Variants in UMAD1 observed in about 807,000 individuals in gnomAD.
The protein encoded by UMAD1 is UBAP1-MVB12-associated (UMA)-domain containing protein 1.
A neutral mutation model predicts 6.1 loss-of-function variants in UMAD1; 8 were observed. That is an observed-to-expected ratio of 1.30 (90% CI 0.76 to 2.35). The LOEUF is 2.35. Ranked by LOEUF, UMAD1 falls within the 30% of genes most tolerant of loss-of-function variation. The pLI, the probability that UMAD1 is intolerant of heterozygous loss-of-function variation, is 0.00. For missense variants in UMAD1, 130 were observed against 78.4 expected (o/e 1.66, Z -2.49); for synonymous variants, 56 against 31.4 (o/e 1.78, Z -2.61).
intron 3 of UMAD1, among the ~76,000 whole-genome samples, chr7:7,818,645 C>T (rs1380509946): frequency 6.6e-6 from 1 of 152,098 alleles, no homozygotes; most frequent in Non-Finnish European, 1.5e-5. Flanking sequence ...CCATTTGACC[C>T]AGCAATACCT....
intron 2 of UMAD1, among the ~76,000 whole-genome samples, chr7:7,743,770 T>C (rs539886720): frequency 6.6e-6 from 1 of 151,886 alleles, no homozygotes; most frequent in South Asian, 2.1e-4. Flanking sequence ...TTTTAAAATA[T>C]ATATAACAAA....
intron 3 of UMAD1, among the ~76,000 whole-genome samples, chr7:7,810,278 T>A (rs1007596919): frequency 6.6e-6 from 1 of 152,098 alleles, no homozygotes; most frequent in Admixed American, 6.6e-5. Context: ...GTACAACTAT[T>A]CTTGGAGAGC....
At chr7:7,859,213 A>G (rs914546300) in intron 3 of UMAD1, among the ~76,000 whole-genome samples, 3 of 152,186 alleles carry the variant, frequency 2.0e-5, no homozygotes, top group Non-Finnish European at 4.4e-5. Context: ...TTTTGTCTCT[A>G]TTGTGAACTC....
At chr7:7,814,400 A>T (rs1157691581) in intron 3 of UMAD1, among the ~76,000 whole-genome samples, 1 of 151,900 alleles carries the variant, frequency 6.6e-6, no homozygotes, top group African/African-American at 2.4e-5. Flanking sequence ...GGCTAGGGGG[A>T]AGCTCAGACC....
chr7:7,694,651 C>G (rs1780264698), intron 2 of UMAD1, among the ~76,000 whole-genome samples: 1 of 151,918 alleles, frequency 6.6e-6, no homozygotes, highest in Non-Finnish European at 1.5e-5. Context: ...TTATCTCTCT[C>G]TGCCTGACTT....
At chr7:7,822,955 A>G (rs1783268962) in intron 3 of UMAD1, among the ~76,000 whole-genome samples, 2 of 152,014 alleles carry the variant, frequency 1.3e-5, no homozygotes, top group Non-Finnish European at 2.9e-5. Context: ...TTTGCTTTTC[A>G]GAATACTTGT....
intron 1 of UMAD1, among the ~76,000 whole-genome samples, chr7:7,663,368 A>G (rs1785525135): frequency 1.3e-5 from 2 of 152,148 alleles, no homozygotes; most frequent in African/African-American, 4.8e-5. Flanking sequence ...CAATTTAATT[A>G]ATTAGTTTCC....
chr7:7,770,627 A>G (rs1782081647), intron 2 of UMAD1, among the ~76,000 whole-genome samples: 1 of 152,154 alleles, frequency 6.6e-6, no homozygotes, highest in African/African-American at 2.4e-5. Flanking sequence ...TTTGAAAGGC[A>G]TCTAGGAGGT....
intron 2 of UMAD1, among the ~76,000 whole-genome samples, chr7:7,757,602 G>A (rs1437351000): frequency 6.6e-6 from 1 of 152,098 alleles, no homozygotes; most frequent in African/African-American, 2.4e-5. Context: ...CAGATATTTG[G>A]TCATTCTCAT....
At chr7:7,855,794 C>T (rs1784006520) in intron 3 of UMAD1, among the ~76,000 whole-genome samples, 1 of 152,202 alleles carries the variant, frequency 6.6e-6, no homozygotes, top group African/African-American at 2.4e-5. Context: ...ACTGTATCAT[C>T]TGGATGCATA....
intron 2 of UMAD1, among the ~76,000 whole-genome samples, chr7:7,708,689 A>G (rs1013453966): frequency 2.3e-4 from 35 of 152,312 alleles, no homozygotes; most frequent in South Asian, 1.7e-3. Context: ...CCATCTTAAA[A>G]TTATATTTTA....
At chr7:7,845,435 T>C (rs1328506579) in intron 3 of UMAD1, among the ~76,000 whole-genome samples, 3 of 152,134 alleles carry the variant, frequency 2.0e-5, no homozygotes, top group East Asian at 3.8e-4. Flanking sequence ...AGTGACTTGC[T>C]TTAGGTCACA....
At chr7:7,673,178 TG>T in intron 1 of UMAD1, 130 bp from the exon 2 acceptor site, 1 of 701,034 alleles carries the variant, frequency 1.4e-6, no homozygotes, top group Non-Finnish European at 2.5e-6. Flanking sequence ...AGAAGGCTCA[TG>T]GTTTTACATG....
chr7:7,702,703 C>T (rs139279654), intron 2 of UMAD1, among the ~76,000 whole-genome samples: 142 of 152,158 alleles, frequency 9.3e-4, no homozygotes, highest in African/African-American at 3.3e-3. Context: ...CTTACTTTTC[C>T]ACTGACATCT....
intron 3 of UMAD1, among the ~76,000 whole-genome samples, chr7:7,810,609 G>A (rs1406953601): frequency 6.6e-6 from 1 of 152,126 alleles, no homozygotes; most frequent in East Asian, 1.9e-4. Context: ...AACATTAAGA[G>A]TACTTGCATT....
intron 1 of UMAD1, among the ~76,000 whole-genome samples, chr7:7,644,750 TATC>T (rs1160782882): frequency 1.3e-5 from 2 of 152,224 alleles, no homozygotes; most frequent in African/African-American, 4.8e-5. Flanking sequence ...TAGTGTAGCT[TATC>T]ATAACTTTTG....
At chr7:7,831,325 G>C (rs1783462878) in intron 3 of UMAD1, among the ~76,000 whole-genome samples, 1 of 152,102 alleles carries the variant, frequency 6.6e-6, no homozygotes, top group African/African-American at 2.4e-5. Flanking sequence ...CCATTCATTG[G>C]TGATGCATCA....
At chr7:7,803,486 A>G (rs1418560877) in intron 3 of UMAD1, among the ~76,000 whole-genome samples, 3 of 152,146 alleles carry the variant, frequency 2.0e-5, no homozygotes, top group African/African-American at 7.2e-5. Flanking sequence ...ATAAAAGTTG[A>G]TATGTTTGGG....
intron 1 of UMAD1, among the ~76,000 whole-genome samples, chr7:7,668,784 A>G (rs112840971): frequency 6.6e-6 from 1 of 152,200 alleles, no homozygotes; most frequent in Non-Finnish European, 1.5e-5. Context: ...CAAGTAAGAT[A>G]ATTATTTACC....
Sources: gnomAD v4.1 joint callset for allele counts (sites outside exome capture counted in the v4.1 genomes callset) on GRCh38, gnomAD v4.1.1 for gene constraint, MANE v1.5 for transcripts, NCBI Gene and HGNC (gene_info 2026-07-23, HGNC 2026-07-21) for gene names.